KNTC1: variants seen among roughly 807,000 people sequenced by gnomAD.
The protein encoded by KNTC1 is kinetochore associated 1.
A neutral mutation model predicts 314.4 loss-of-function variants in KNTC1; 253 were observed. The ratio of observed to expected loss-of-function variants is 0.80; its 90% CI spans 0.73 to 0.89. The LOEUF (loss-of-function observed/expected upper bound fraction) is 0.89, where lower values mean the gene tolerates loss of function less well. Ranked by LOEUF, KNTC1 falls within the 40% of genes least tolerant of loss-of-function variation. KNTC1 has a pLI of 0.00. For missense variants in KNTC1, 2,475 were observed against 2,572.9 expected (o/e 0.96, Z 0.82); for synonymous variants, 901 against 901.4 (o/e 1.00, Z 0.01).
At chr12:122,542,595 GTC>G (rs1962427874) in intron 6 of KNTC1, among the ~76,000 whole-genome samples, 1 of 152,038 alleles carries the variant, frequency 6.6e-6, no homozygotes, top group South Asian at 2.1e-4. Flanking sequence ...AAGAAACCCT[GTC>G]TCTACTAAAA....
intron 16 of KNTC1, among the ~76,000 whole-genome samples, chr12:122,556,484 C>CT (rs371272876): frequency 0.31 from 35,072 of 112,720 alleles, 6,978 homozygotes; most frequent in East Asian, 0.42. Flanking sequence ...CTACTCTCTA[C>CT]TTTTTTTTTT....
In KNTC1 at chr12:122,529,976, G is replaced by T. The variant is rs181812500; in HGVS notation, c.-73-15G>T. 2.9e-6 allele frequency: 4 copies of T among 1,402,868 alleles called. No individual in the cohort carries two copies. Among genetic ancestry groups the T allele is most frequent in the Non-Finnish European group, 3.8e-6 (4 of 1,039,394 alleles). The allele number at this position is 1,402,868 out of a possible 1,614,324, so 86.9% of individuals were successfully genotyped here. A position where few individuals can be genotyped will look rare whatever the true frequency, so the allele number is the denominator to read the frequency against. On this transcript the variant is annotated splice_polypyrimidine_tract_variant and intron_variant, in intron 1 of 63. Transcript: ENST00000333479. The stretch of plus-strand genomic sequence containing the variant: ...GCTTTATCATTTCCCAAGGAACCAG[G>T]TTCTATGCAACAAGATAATATGGTG...
rs75373025 is a variant in KNTC1 at position 122,538,449 on chromosome 12, A to G, written c.361A>G (p.Thr121Ala). The stretch of plus-strand genomic sequence containing the variant: ...TGTAACATCAAAACAAACACTACTC[A>G]CTAATGTAAGATCTTGTTGTATTTT... ...IHVTSKQTLLTNAFVQKANDE... is the reference protein window; with the variant it reads ...IHVTSKQTLLANAFVQKANDE... The change falls in exon 4 of 64, where the codon ACT becomes GCT. Residue 121 changes from threonine (T) to alanine (A), a missense_variant. Thr to Ala is a moderately conservative substitution (Grantham distance 58). Transcript: ENST00000333479. 177 of 1,504,566 alleles carry G rather than the reference A, an allele frequency of 1.2e-4. No individual in the cohort carries two copies. In the East Asian group the frequency reaches 4.0e-3, roughly 34 times the overall value. 93.2% of individuals were successfully genotyped at this position (1,504,566 alleles called of 1,614,324 possible). A position where few individuals can be genotyped will look rare whatever the true frequency, so the allele number is the denominator to read the frequency against.
chr12:122,557,510 G>C lies in KNTC1; in HGVS notation c.1398+1G>C. The C allele has an allele frequency of 6.2e-7, 1 of 1,613,504 alleles. No individual in the cohort carries two copies. Among genetic ancestry groups the C allele is most frequent in the Non-Finnish European group, 8.5e-7 (1 of 1,179,640 alleles). On this transcript the variant is annotated splice_donor_variant, in intron 17 of 63. Transcript: ENST00000333479. LOFTEE classifies it high-confidence loss of function. ...TAAGGAAAATCTACATAAGATCCAG[G>C]TATGTTTTTCTTGTCACATACTACA...
At chr12:122,530,223 A>G (rs754109619) in intron 2 of KNTC1, 31 bp downstream of exon 2, 1 of 1,602,978 alleles carries the variant, frequency 6.2e-7, no homozygotes, top group African/African-American at 1.3e-5. Flanking sequence ...TGTTTCATTC[A>G]CAGAATTTTT....
chr12:122,574,130 T>G (rs972513114), intron 26 of KNTC1, among the ~76,000 whole-genome samples, 152 bp from the exon 27 acceptor site: 3 of 152,224 alleles, frequency 2.0e-5, no homozygotes, highest in African/African-American at 7.2e-5. Context: ...TTTAGACCAT[T>G]GTTCAACATT....
chr12:122,600,301 G>T (rs1385067567), intron 44 of KNTC1, among the ~76,000 whole-genome samples: 1 of 152,176 alleles, frequency 6.6e-6, no homozygotes, highest in African/African-American at 2.4e-5. Flanking sequence ...ATTTCGCCAT[G>T]TTGGCCAGGC....
At chr12:122,554,076 A>AAAAAAAAAATATATATATATAT (rs370146333) in intron 16 of KNTC1, among the ~76,000 whole-genome samples, 1 of 109,046 alleles carries the variant, frequency 9.2e-6, no homozygotes, top group Admixed American at 9.8e-5. Flanking sequence ...AAAAAAAAAA[A>AAAAAAAAAATATATATATATAT]ATATATATAT....
chr12:122,617,268 C>G (rs914449645), intron 57 of KNTC1: 2 of 294,376 alleles, frequency 6.8e-6, no homozygotes, highest in Non-Finnish European at 1.4e-5. Flanking sequence ...CTATGTTTAG[C>G]CTTTTGAGGT....
In KNTC1 at chr12:122,594,402, T is replaced by A. The variant is rs1870747808; in HGVS notation, c.4355+17T>A. Reference sequence around the variant, plus strand: ...ATATTGCAGGTAATTCTTTAAACATTAACGGTATTTTTGCTGTTAACAAAC... The same window carrying A: ...ATATTGCAGGTAATTCTTTAAACATAAACGGTATTTTTGCTGTTAACAAAC... On this transcript the variant is annotated intron_variant, in intron 43 of 63. Coordinates refer to ENST00000333479, the MANE Select transcript of KNTC1 (RefSeq NM_014708.6). 7.3e-7 allele frequency: 1 copy of A among 1,367,766 alleles called. No homozygotes were observed. The highest frequency in any genetic ancestry group is 1.4e-5 in the African/African-American group (1 of 69,172). The allele number at this position is 1,367,766 out of a possible 1,614,324, so 84.7% of individuals were successfully genotyped here. A position where few individuals can be genotyped will look rare whatever the true frequency, so the allele number is the denominator to read the frequency against.
At chr12:122,540,639 A>G (rs1371571799) in intron 5 of KNTC1, among the ~76,000 whole-genome samples, 2 of 152,102 alleles carry the variant, frequency 1.3e-5, no homozygotes, top group East Asian at 3.8e-4. Context: ...CCAAGGAGAC[A>G]TTATATTCTT....
chr12:122,585,700 A>C lies in KNTC1; in HGVS notation c.3599A>C (p.Asp1200Ala). The change falls in exon 37 of 64, where the codon GAT becomes GCT. Residue 1200 changes from aspartate to alanine, a missense_variant. Asp to Ala is a moderately radical substitution (Grantham distance 126, BLOSUM62 -2). Transcript: ENST00000333479. ...TCTTACAGTGACTTCTTCAGTGAAG[A>C]TGGAATTGTTCTTGAGTCACAGATG... ...EWSYSDFFSE[D>A]GIVLESQMVL... 1 of 1,613,720 alleles carries C rather than the reference A, an allele frequency of 6.2e-7. No individual in the cohort carries two copies. Among genetic ancestry groups the C allele is most frequent in the South Asian group, 1.1e-5 (1 of 91,074 alleles).
intron 3 of KNTC1, among the ~76,000 whole-genome samples, chr12:122,537,147 CTTCTT>C (rs1248738939): frequency 2.6e-5 from 4 of 152,142 alleles, no homozygotes; most frequent in African/African-American, 9.7e-5. Flanking sequence ...TTACCTTGGC[CTTCTT>C]GCTTTTGCAT....
chr12:122,597,723 T>G lies in KNTC1; in HGVS notation c.4356-8T>G, dbSNP rs376228856. On this transcript the variant is annotated splice_region_variant and splice_polypyrimidine_tract_variant and intron_variant, in intron 43 of 63. Coordinates refer to ENST00000333479, the MANE Select transcript of KNTC1 (RefSeq NM_014708.6). ...GGGAGACTGGTGTGTATTGAATGCT[T>G]CTTTTAGCACATTTCAGTTGGACTG... The G allele has an allele frequency of 6.2e-6, 10 of 1,613,138 alleles. No homozygotes were observed. The African/African-American group carries it at 9.3e-5, about 15-fold the overall frequency.
intron 3 of KNTC1, among the ~76,000 whole-genome samples, 158 bp downstream of exon 3, chr12:122,534,942 C>T (rs774752430): frequency 5.9e-5 from 9 of 152,142 alleles, no homozygotes; most frequent in African/African-American, 9.7e-5. Context: ...GCCTTATTTG[C>T]GTTGGGCACT....
rs371618629 is a variant in KNTC1 at position 122,544,222 on chromosome 12, A to T, written c.622A>T (p.Ser208Cys). The change falls in exon 8 of 64, where the codon AGT becomes TGT. Residue 208 changes from serine (S) to cysteine (C), a missense_variant. By Grantham distance (112) the Ser-to-Cys change is moderately radical. Coordinates refer to ENST00000333479, the MANE Select transcript of KNTC1 (RefSeq NM_014708.6). ...TENYHTLGCL[S>C]LVAGDLASEV... is the part of the protein sequence containing the mutation. ...AAATTATCATACTCTTGGTTGTCTC[A>T]GTCTTGTGGCTGGAGATTTAGCAAG... 2 of 1,588,742 alleles carry T rather than the reference A, an allele frequency of 1.3e-6. No homozygotes were observed. Among genetic ancestry groups the T allele is most frequent in the Non-Finnish European group, 1.7e-6 (2 of 1,171,762 alleles).
At chr12:122,601,951 G>A (rs1056482874) in intron 45 of KNTC1, 1 of 179,946 alleles carries the variant, frequency 5.6e-6, no homozygotes, top group Non-Finnish European at 1.1e-5. Flanking sequence ...AGTGAAAAAG[G>A]CCATGGGACT....
At chr12:122,620,660 T>C (rs1259384819) in intron 60 of KNTC1, 52 bp downstream of exon 60, 13 of 1,579,980 alleles carry the variant, frequency 8.2e-6, no homozygotes, top group Non-Finnish European at 1.0e-5. Flanking sequence ...AGGTTTCATC[T>C]TGCATGTCCC....
At chr12:122,609,946 G>T (rs563465442) in intron 52 of KNTC1, among the ~76,000 whole-genome samples, 2 of 152,240 alleles carry the variant, frequency 1.3e-5, no homozygotes, top group Non-Finnish European at 2.9e-5. Flanking sequence ...CCTGGCACAG[G>T]CATGGATAAG....
Sources: gnomAD v4.1 joint callset for allele counts (sites outside exome capture counted in the v4.1 genomes callset) on GRCh38, gnomAD v4.1.1 for gene constraint, MANE v1.5 for transcripts, NCBI Gene and HGNC (gene_info 2026-07-23, HGNC 2026-07-21) for gene names.